FNIP2: variants seen among roughly 807,000 people sequenced by gnomAD.
The protein encoded by FNIP2 is folliculin-interacting protein 2.
In FNIP2, 32 loss-of-function variants were observed where a neutral mutation model predicts 108.7. The observed-to-expected ratio is 0.29, with a 90% CI of 0.22 to 0.40. FNIP2 has a LOEUF of 0.40. Among genes scored for constraint, FNIP2 ranks in the 10% least tolerant of loss-of-function variants. The probability of loss-of-function intolerance (pLI) is 1.00; values close to 1 mark genes in which losing one functional copy is unlikely to be tolerated. For missense variants in FNIP2, 1,202 were observed against 1,381.6 expected (o/e 0.87, Z 2.06); for synonymous variants, 480 against 496.7 (o/e 0.97, Z 0.45).
At chr4:158,903,550 C>CTCA (rs1729546769) in intron 16 of FNIP2, among the ~76,000 whole-genome samples, 2 of 152,148 alleles carry the variant, frequency 1.3e-5, no homozygotes, top group Non-Finnish European at 2.9e-5. Context: ...CCCCTTTGCA[C>CTCA]TCATCTCTAG....
intron 1 of FNIP2, among the ~76,000 whole-genome samples, chr4:158,819,029 C>T (rs1226868369): frequency 6.6e-6 from 1 of 152,184 alleles, no homozygotes; most frequent in Non-Finnish European, 1.5e-5. Context: ...TCCCTATAGA[C>T]ATTTATCTTG....
intron 16 of FNIP2, among the ~76,000 whole-genome samples, chr4:158,899,994 A>G (rs1213392959): frequency 6.6e-6 from 1 of 152,160 alleles, no homozygotes; most frequent in Non-Finnish European, 1.5e-5. Flanking sequence ...AGTGCTATAA[A>G]TTTCCCTCTA....
chr4:158,880,732 T>G (rs976964149), intron 14 of FNIP2, among the ~76,000 whole-genome samples: 2 of 152,234 alleles, frequency 1.3e-5, no homozygotes, highest in Non-Finnish European at 2.9e-5. Context: ...TAAAAACTGG[T>G]CTACAATTCA....
At chr4:158,787,743 G>C (rs930542728) in intron 1 of FNIP2, among the ~76,000 whole-genome samples, 9 of 151,958 alleles carry the variant, frequency 5.9e-5, no homozygotes, top group Non-Finnish European at 1.3e-4. Context: ...TTAGACTTTT[G>C]CTTCTTTCTG....
At chr4:158,884,876 C>T (rs1298302538) in intron 14 of FNIP2, among the ~76,000 whole-genome samples, 2 of 151,558 alleles carry the variant, frequency 1.3e-5, no homozygotes, top group African/African-American at 2.4e-5. Flanking sequence ...CACAGAGGCT[C>T]ATGTCTGTAA....
intron 1 of FNIP2, among the ~76,000 whole-genome samples, chr4:158,778,416 TAAAC>T (rs1015862744): frequency 2.0e-5 from 3 of 152,136 alleles, no homozygotes; most frequent in African/African-American, 4.8e-5. Context: ...ATTCCAGAAA[TAAAC>T]AATTCCTAAG....
chr4:158,882,369 G>C (rs903384203), intron 14 of FNIP2, among the ~76,000 whole-genome samples: 1 of 151,030 alleles, frequency 6.6e-6, no homozygotes, highest in East Asian at 2.0e-4. Flanking sequence ...CGCCCCGTCC[G>C]GGAGGGAGGT....
chr4:158,818,869 G>A (rs949049353), intron 1 of FNIP2, among the ~76,000 whole-genome samples: 3 of 152,172 alleles, frequency 2.0e-5, no homozygotes, highest in Non-Finnish European at 4.4e-5. Context: ...AAAATCATCT[G>A]GGTTGAAGGC....
At position 158,835,471 on chromosome 4, in the gene FNIP2, G is replaced by T. The variant is rs1458404438; in HGVS notation, c.722G>T (p.Arg241Leu). ...GAAGACAGGGACAGTGGCATTGCTC[G>T]ATCAGGTACTTGTACTCTGTTTATT... ...QNEDRDSGIA[R>L]SASLSSLLIT... Residue 241 changes from arginine (R) to leucine (L), a missense_variant, in exon 7 of 17, where the codon CGA becomes CTA. Physicochemically the swap from Arg to Leu is moderately radical, Grantham distance 102. This residue lies in a region of FNIP2 where 878 missense variants were observed against 990.3 expected (regional missense o/e 0.89). Transcript: ENST00000264433. 1.2e-6 allele frequency: 2 copies of T among 1,611,692 alleles called. No individual in the cohort carries two copies.
At position 158,898,894 on chromosome 4, in the gene FNIP2, T is replaced by G. The variant is rs143486217; in HGVS notation, c.3266+3029T>G. 3.3e-4 allele frequency among the ~76,000 whole-genome samples: 51 copies of G among 152,312 alleles called. No individual in the cohort carries two copies. The East Asian group carries it at 6.7e-3, about 20-fold the overall frequency. On this transcript the variant is annotated intron_variant, in intron 16 of 16. Transcript: ENST00000264433. ...ATGTTGAATAGTTGAATAGGAGTGG[T>G]GAGAGAGAGCATCCTTGTCTTGTGC...
In FNIP2 at chr4:158,851,436, C is replaced by T; in HGVS notation, c.843C>T (p.Gly281=). The T allele has an allele frequency of 6.2e-7, 1 of 1,613,926 alleles. No homozygotes were observed. Among genetic ancestry groups the T allele is most frequent in the Non-Finnish European group, 8.5e-7 (1 of 1,179,850 alleles). The change falls in exon 8 of 17, where the codon GGC becomes GGT. Residue 281 remains glycine (G), a synonymous_variant. Transcript: ENST00000264433. ...GTCAGACAACAAGTTTGGAAAATGG[C>T]ATCATCCCAAGAAGGTGAGTTGCAA... ...LRSQTTSLEN[G]IIPRRSTDET...
chr4:158,771,117 C>G (rs1268255758), intron 1 of FNIP2, among the ~76,000 whole-genome samples: 1 of 151,950 alleles, frequency 6.6e-6, no homozygotes, highest in Non-Finnish European at 1.5e-5. Flanking sequence ...CAAGTACGGT[C>G]TTTTTTTTGA....
intron 1 of FNIP2, among the ~76,000 whole-genome samples, chr4:158,775,829 T>C (rs915201994): frequency 6.6e-6 from 1 of 152,202 alleles, no homozygotes; most frequent in Admixed American, 6.5e-5. Context: ...TTATATAAGA[T>C]TTTAGTATTA....
intron 16 of FNIP2, 40 bp downstream of exon 16, chr4:158,895,905 G>A (rs375767543): frequency 9.2e-5 from 131 of 1,423,390 alleles, no homozygotes; most frequent in Middle Eastern, 1.8e-4. Flanking sequence ...CCTTTGATAG[G>A]TATCCCTAGC....
intron 1 of FNIP2, among the ~76,000 whole-genome samples, chr4:158,794,006 C>G (rs1158876394): frequency 2.0e-5 from 3 of 152,002 alleles, no homozygotes; most frequent in Admixed American, 1.3e-4. Flanking sequence ...GAGACATTCT[C>G]TAAGTATAAA....
intron 1 of FNIP2, among the ~76,000 whole-genome samples, chr4:158,788,500 CTTTTATTTGGGGT>C (rs1560754600): frequency 6.6e-6 from 1 of 152,018 alleles, no homozygotes; most frequent in Non-Finnish European, 1.5e-5. Flanking sequence ...ATCTTTTTGC[CTTTTATTTGGGGT>C]TTTTGATGGG....
chr4:158,854,082 A>G (rs1357928631), intron 8 of FNIP2, among the ~76,000 whole-genome samples: 1 of 152,318 alleles, frequency 6.6e-6, no homozygotes, highest in Non-Finnish European at 1.5e-5. Flanking sequence ...ATGCCTATGA[A>G]TATTTACTTT....
At chr4:158,878,900 T>C (rs1781431625) in intron 14 of FNIP2, among the ~76,000 whole-genome samples, 1 of 151,108 alleles carries the variant, frequency 6.6e-6, no homozygotes, top group South Asian at 2.1e-4. Context: ...TGAAAAATAG[T>C]CCCTGAAATT....
At chr4:158,807,781 C>T (rs1053293024) in intron 1 of FNIP2, among the ~76,000 whole-genome samples, 2 of 151,902 alleles carry the variant, frequency 1.3e-5, no homozygotes, top group African/African-American at 2.4e-5. Flanking sequence ...CACAGTAGAC[C>T]GGAGAGTGAG....
Sources: allele counts gnomAD v4.1 joint callset (sites outside exome capture counted in the v4.1 genomes callset), GRCh38; gene constraint gnomAD v4.1.1; regional missense constraint gnomAD v4.1.1; transcripts MANE v1.5; gene names NCBI Gene and HGNC (gene_info 2026-07-23, HGNC 2026-07-21).